Variants in SHISAL1 observed in about 807,000 individuals in gnomAD.
SHISAL1 encodes protein shisa-like-1.
In SHISAL1, 9 loss-of-function variants were observed where a neutral mutation model predicts 22.6. That is an observed-to-expected ratio of 0.40 (90% CI 0.24 to 0.70). SHISAL1 has a LOEUF of 0.70. SHISAL1 is among the 30% of genes least tolerant of loss of function. The pLI is 0.39. For synonymous variants in SHISAL1, 119 were observed against 115.4 expected (o/e 1.03, Z -0.20); for missense variants, 246 against 270.6 (o/e 0.91, Z 0.64).
rs995283464 is a variant in SHISAL1 at position 44,247,978 on chromosome 22, CTT to C, written c.*1705_*1706del. ...AGCCGTTCCTTCTGCCTGGAATGCT[CTT>C]TTCCTATCTTTAACGCCCATTACTG... is the stretch of plus-strand genomic sequence containing the variant. On this transcript the variant is annotated 3_prime_UTR_variant, in exon 5 of 5. Transcript: ENST00000381176. 3.3e-4 allele frequency: 51 copies of C among 152,310 alleles called. 1 individual carries two copies. The highest frequency in any genetic ancestry group is 1.2e-3 in the African/African-American group (49 of 41,548). 9.4% of individuals were successfully genotyped at this position (152,310 alleles called of 1,614,324 possible). A position where few individuals can be genotyped will look rare whatever the true frequency, so the allele number is the denominator to read the frequency against.
the SHISAL1 span, among the ~76,000 whole-genome samples, chr22:44,319,792 G>A: frequency 2.6e-5 from 4 of 152,166 alleles, no homozygotes; most frequent in South Asian, 2.1e-4. Flanking sequence ...GGCTCAAGTC[G>A]TGAAAGATTA....
intron 4 of SHISAL1, among the ~76,000 whole-genome samples, chr22:44,261,254 G>C (rs1350799123): frequency 6.6e-6 from 1 of 151,644 alleles, no homozygotes; most frequent in African/African-American, 2.4e-5. Context: ...TTTCGGTTTT[G>C]TGGTCTCCAC....
intron 3 of SHISAL1, among the ~76,000 whole-genome samples, chr22:44,291,607 G>C (rs889882718): frequency 1.3e-5 from 2 of 152,072 alleles, no homozygotes; most frequent in Non-Finnish European, 2.9e-5. Context: ...CCAAGGGAGG[G>C]ACCACCGTCC....
rs944030636 is a variant in SHISAL1 at position 44,266,532 on chromosome 22, G to A, written c.*-16847C>T. ...GTGTGTTGGGGGCTTTGGGGTATGT[G>A]TGTGTGTGTGTGTGTGTGTGTGTGT... is the stretch of plus-strand genomic sequence containing the variant. On this transcript the variant is annotated intron_variant, in intron 4 of 4. Coordinates refer to ENST00000381176, the MANE Select transcript of SHISAL1 (RefSeq NM_001099294.2). Among the ~76,000 whole-genome samples, 1,111 of 143,838 alleles carry A rather than the reference G, an allele frequency of 7.7e-3. 18 individuals are homozygous for A. Among genetic ancestry groups the A allele is most frequent in the African/African-American group, 0.029 (1,030 of 36,054 alleles). 94.4% of individuals were successfully genotyped at this position (143,838 alleles called of 152,430 possible).
Position 44,244,536 on chromosome 22 carries a change from GC to G in SHISAL1, c.*5148del, listed in dbSNP as rs1250764061. On this transcript the variant is annotated 3_prime_UTR_variant, in exon 5 of 5. Coordinates refer to ENST00000381176, the MANE Select transcript of SHISAL1 (RefSeq NM_001099294.2). The stretch of plus-strand genomic sequence containing the variant: ...ACAGTCAAATCTGCTCATTCATCAA[GC>G]ATCTATCTAGCACCAGCTGTTGGCT... 2 of 152,218 alleles carry G rather than the reference GC, an allele frequency of 1.3e-5. No individual in the cohort carries two copies. Among genetic ancestry groups the G allele is most frequent in the Non-Finnish European group, 2.9e-5 (2 of 68,038 alleles). 9.4% of individuals were successfully genotyped at this position (152,218 alleles called of 1,614,324 possible).
intron 3 of SHISAL1, among the ~76,000 whole-genome samples, chr22:44,286,369 GC>G (rs1485457788): frequency 2.6e-5 from 4 of 152,114 alleles, no homozygotes; most frequent in Admixed American, 1.3e-4. Context: ...TTATTCATTT[GC>G]CCAACATTTC....
chr22:44,259,219 G>T (rs566570386), intron 4 of SHISAL1, among the ~76,000 whole-genome samples: 1 of 152,080 alleles, frequency 6.6e-6, no homozygotes, highest in African/African-American at 2.4e-5. Flanking sequence ...CGAGGCGGGC[G>T]GATCACGAGG....
rs952994980 is a variant in SHISAL1, at chr22:44,246,763, TCA to T, written c.*2920_*2921del. 1 of 144,010 alleles carries T rather than the reference TCA, an allele frequency of 6.9e-6. No individual in the cohort carries two copies. Among genetic ancestry groups the T allele is most frequent in the South Asian group, 2.2e-4 (1 of 4,522 alleles). 8.9% of individuals were successfully genotyped at this position (144,010 alleles called of 1,614,324 possible). A position where few individuals can be genotyped will look rare whatever the true frequency, so the allele number is the denominator to read the frequency against. On this transcript the variant is annotated 3_prime_UTR_variant, in exon 5 of 5. Coordinates refer to ENST00000381176, the MANE Select transcript of SHISAL1 (RefSeq NM_001099294.2). ...TACCGTGACTAACTGGTACCCTACC[TCA>T]CACACTTGACAGGTGAGAAGCAGAG...
rs922017518 is a variant in SHISAL1, at chr22:44,263,079, CT to C, written c.*-13395del. On this transcript the variant is annotated intron_variant, in intron 4 of 4. Coordinates refer to ENST00000381176, the MANE Select transcript of SHISAL1 (RefSeq NM_001099294.2). ...CCTTCACGTATTTTTTTCTTTCTTT[CT>C]TTTTTTTTTTTTTTTTTTTGGAGAT... 8.2e-4 allele frequency among the ~76,000 whole-genome samples: 72 copies of C among 88,266 alleles called. 1 individual carries two copies. Among genetic ancestry groups the C allele is most frequent in the Middle Eastern group, 8.6e-3 (1 of 116 alleles). 57.9% of individuals were successfully genotyped at this position (88,266 alleles called of 152,430 possible). A position where few individuals can be genotyped will look rare whatever the true frequency, so the allele number is the denominator to read the frequency against.
At chr22:44,302,396 A>G (rs1335902364) in intron 1 of SHISAL1, among the ~76,000 whole-genome samples, 1 of 149,446 alleles carries the variant, frequency 6.7e-6, no homozygotes, top group East Asian at 1.9e-4. Context: ...GTTCTCTGTA[A>G]TGTATATTTT....
At chr22:44,296,933 G>T (rs534745541) in intron 2 of SHISAL1, 48 bp from the exon 3 acceptor site, 6 of 1,479,754 alleles carry the variant, frequency 4.1e-6, no homozygotes, top group South Asian at 1.2e-5. Context: ...ACCAGTCCAC[G>T]GGTGCCAAGA....
At chr22:44,323,939 C>T in the SHISAL1 span, among the ~76,000 whole-genome samples, 1 of 152,184 alleles carries the variant, frequency 6.6e-6, no homozygotes, top group Non-Finnish European at 1.5e-5. Context: ...CTTGGAGCAA[C>T]TCGTTTAATT....
At chr22:44,324,115 G>GACCC in the SHISAL1 span, among the ~76,000 whole-genome samples, 1 of 152,088 alleles carries the variant, frequency 6.6e-6, no homozygotes, top group Non-Finnish European at 1.5e-5. Context: ...CAATGTAACT[G>GACCC]ACCCAGCTGT....
At chr22:44,263,529 G>T (rs1321018799) in intron 4 of SHISAL1, among the ~76,000 whole-genome samples, 1 of 152,224 alleles carries the variant, frequency 6.6e-6, no homozygotes, top group Non-Finnish European at 1.5e-5. Context: ...TCAACAAGGA[G>T]AAAGAGACTC....
intron 4 of SHISAL1, among the ~76,000 whole-genome samples, chr22:44,262,731 C>T (rs927002860): frequency 1.3e-5 from 2 of 152,220 alleles, no homozygotes; most frequent in Non-Finnish European, 2.9e-5. Flanking sequence ...CCTAGTGGCC[C>T]TGGCGAGAGA....
chr22:44,296,626 C>T, intron 3 of SHISAL1, 46 bp downstream of exon 3: 1 of 1,583,924 alleles, frequency 6.3e-7, no homozygotes, highest in Non-Finnish European at 8.7e-7. Context: ...AGGCCCCTTG[C>T]CTGGGGCCCG....
At chr22:44,285,363 G>A (rs1021649632) in intron 4 of SHISAL1, 65 bp downstream of exon 4, 21 of 1,506,482 alleles carry the variant, frequency 1.4e-5, no homozygotes, top group African/African-American at 6.9e-5. Flanking sequence ...GAGTGATGGC[G>A]TATTCTCCAA....
At chr22:44,313,083 C>T (rs1161049264), upstream of SHISAL1, among the ~76,000 whole-genome samples, 4 of 152,236 alleles carry the variant, frequency 2.6e-5, no homozygotes, top group African/African-American at 9.6e-5. Flanking sequence ...CCACGCACTC[C>T]AGCCTCTGGT....
intron 2 of SHISAL1, 130 bp downstream of exon 2, chr22:44,300,749 G>A (rs1024972175): frequency 1.0e-4 from 72 of 714,228 alleles, no homozygotes; most frequent in Admixed American, 2.8e-4. Flanking sequence ...CCAGAGGGGT[G>A]CCAGTAAGGT....
Sources: allele counts gnomAD v4.1 joint callset (sites outside exome capture counted in the v4.1 genomes callset), GRCh38; gene constraint gnomAD v4.1.1; transcripts MANE v1.5; gene names NCBI Gene and HGNC (gene_info 2026-07-23, HGNC 2026-07-21).